Variants in LY96 observed in about 807,000 individuals in gnomAD.
LY96 encodes the protein lymphocyte antigen 96, also known as myeloid differentiation protein-2.
LY96 carries 18 observed loss-of-function variants against 18.9 expected under a neutral mutation model. The ratio of observed to expected loss-of-function variants is 0.95; its 90% CI spans 0.66 to 1.41. LY96 has a LOEUF of 1.41. Ranked by LOEUF, LY96 falls within the 40% of genes most tolerant of loss-of-function variation. The probability of loss-of-function intolerance (pLI) is 0.00; values close to 1 mark genes in which losing one functional copy is unlikely to be tolerated. For missense variants in LY96, 175 were observed against 182.4 expected (o/e 0.96, Z 0.23); for synonymous variants, 66 against 62.6 (o/e 1.06, Z -0.26).
the LY96 span, among the ~76,000 whole-genome samples, chr8:74,068,720 A>C: frequency 6.6e-6 from 1 of 152,294 alleles, no homozygotes; most frequent in Non-Finnish European, 1.5e-5. Context: ...TTGGTCATTC[A>C]TATGCAATAT....
chr8:74,042,007 T>A, the LY96 span, among the ~76,000 whole-genome samples: 10 of 152,220 alleles, frequency 6.6e-5, no homozygotes, highest in Non-Finnish European at 2.9e-5. Flanking sequence ...TCCTGATATG[T>A]GATGTCACCC....
At chr8:74,007,452 G>T (rs1327524675) in intron 2 of LY96, among the ~76,000 whole-genome samples, 2 of 152,240 alleles carry the variant, frequency 1.3e-5, no homozygotes, top group Admixed American at 6.5e-5. Flanking sequence ...TGTTTCCATA[G>T]AATATACTAT....
In LY96 at chr8:73,991,463, T is replaced by C; in HGVS notation, c.21T>C (p.Phe7=). 6.2e-7 allele frequency: 1 copy of C among 1,609,640 alleles called. No individual in the cohort carries two copies. Among genetic ancestry groups the C allele is most frequent in the Non-Finnish European group, 8.5e-7 (1 of 1,175,964 alleles). The change falls in exon 1 of 5, where the codon TTT becomes TTC. Residue 7 remains phenylalanine (F), a synonymous_variant. Coordinates refer to ENST00000284818, the MANE Select transcript of LY96 (RefSeq NM_015364.5). ...GAATCATGTTACCATTTCTGTTTTT[T>C]TCCACCCTGTTTTCTTCCATATTTA... MLPFLF[F]STLFSSIFTE...
At chr8:74,004,741 T>C (rs1327723575) in intron 1 of LY96, 55 bp from the exon 2 acceptor site, 1 of 1,448,984 alleles carries the variant, frequency 6.9e-7, no homozygotes, top group Non-Finnish European at 9.6e-7. Context: ...CAGAATACTA[T>C]ACTTAATGGA....
At chr8:74,019,755 G>T (rs1399889715) in intron 3 of LY96, among the ~76,000 whole-genome samples, 1 of 152,146 alleles carries the variant, frequency 6.6e-6, no homozygotes, top group Non-Finnish European at 1.5e-5. Flanking sequence ...GGGATGCAAG[G>T]CTGGTTCAGC....
At chr8:74,003,489 A>G (rs552022339) in intron 1 of LY96, among the ~76,000 whole-genome samples, 9 of 152,292 alleles carry the variant, frequency 5.9e-5, no homozygotes, top group African/African-American at 1.7e-4. Flanking sequence ...TGCTCAAAAG[A>G]GCCTTGCACT....
chr8:74,051,789 T>A, the LY96 span, among the ~76,000 whole-genome samples: 2 of 152,230 alleles, frequency 1.3e-5, no homozygotes, highest in African/African-American at 4.8e-5. Flanking sequence ...CCGAATTTGC[T>A]GGTGCCTTGA....
the LY96 span, among the ~76,000 whole-genome samples, chr8:74,039,699 C>T: frequency 3.3e-5 from 5 of 152,158 alleles, no homozygotes; most frequent in East Asian, 1.9e-4. Flanking sequence ...CATACGTCAG[C>T]GTTTTCTTCT....
chr8:74,008,241 G>T lies in LY96; in HGVS notation c.203-1760G>T, dbSNP rs570859830. On this transcript the variant is annotated intron_variant, in intron 2 of 4. Transcript: ENST00000284818. The stretch of plus-strand genomic sequence containing the variant: ...TCAAAGCAGGACTTCCTTTCCTGGA[G>T]TTATTGAAGACTGGAATCTTGCTGT... Among the ~76,000 whole-genome samples, 3 of 152,356 alleles carry T rather than the reference G, an allele frequency of 2.0e-5. No homozygotes were observed. The East Asian group carries it at 5.8e-4, about 29-fold the overall frequency.
chr8:74,037,776 A>G, the LY96 span, among the ~76,000 whole-genome samples: 65 of 152,314 alleles, frequency 4.3e-4, 1 homozygote, highest in Non-Finnish European at 3.4e-4. Context: ...TTGGAGTCAG[A>G]ATTTTATTAC....
intron 3 of LY96, among the ~76,000 whole-genome samples, chr8:74,010,787 A>G (rs1816514323): frequency 6.6e-6 from 1 of 152,140 alleles, no homozygotes; most frequent in South Asian, 2.1e-4. Flanking sequence ...GCAGTGGCTT[A>G]GTAATGTGTC....
At chr8:74,090,273 G>A in the LY96 span, among the ~76,000 whole-genome samples, 2 of 152,102 alleles carry the variant, frequency 1.3e-5, no homozygotes, top group Non-Finnish European at 2.9e-5. Flanking sequence ...GTGGTAAGGG[G>A]TCATGTTGGT....
the LY96 span, among the ~76,000 whole-genome samples, chr8:74,037,799 G>C: frequency 1.3e-5 from 2 of 152,108 alleles, no homozygotes; most frequent in Non-Finnish European, 2.9e-5. Flanking sequence ...GCACCTGAGA[G>C]CATTCTAGTT....
At chr8:74,057,178 G>A in the LY96 span, among the ~76,000 whole-genome samples, 1 of 152,140 alleles carries the variant, frequency 6.6e-6, no homozygotes, top group African/African-American at 2.4e-5. Flanking sequence ...GTGATTTCAC[G>A]TAGCGCACCT....
chr8:74,021,997 C>T (rs1326680512), intron 3 of LY96, among the ~76,000 whole-genome samples: 1 of 151,870 alleles, frequency 6.6e-6, no homozygotes, highest in East Asian at 1.9e-4. Flanking sequence ...GTGCAGCAAA[C>T]CAACATGGCA....
At chr8:74,098,287 A>G in the LY96 span, among the ~76,000 whole-genome samples, 2 of 152,154 alleles carry the variant, frequency 1.3e-5, no homozygotes, top group African/African-American at 4.8e-5. Context: ...GGCCTTAGAA[A>G]AATGTTTACA....
the LY96 span, among the ~76,000 whole-genome samples, chr8:74,042,241 C>A: frequency 2.0e-5 from 3 of 152,346 alleles, 1 homozygote; most frequent in African/African-American, 7.2e-5. Context: ...GAGACTGGGG[C>A]TGGGCACAGA....
At chr8:74,088,520 C>G in the LY96 span, among the ~76,000 whole-genome samples, 1 of 152,134 alleles carries the variant, frequency 6.6e-6, no homozygotes, top group Admixed American at 6.6e-5. Flanking sequence ...CTCATCTCTT[C>G]CCTCCCCTCA....
the LY96 span, among the ~76,000 whole-genome samples, chr8:74,072,390 C>T: frequency 6.6e-6 from 1 of 152,094 alleles, no homozygotes; most frequent in Admixed American, 6.6e-5. Flanking sequence ...GAAAGGCTTG[C>T]TCTTTGCAAT....
Sources: allele counts gnomAD v4.1 joint callset (sites outside exome capture counted in the v4.1 genomes callset), GRCh38; gene constraint gnomAD v4.1.1; transcripts MANE v1.5; gene names NCBI Gene and HGNC (gene_info 2026-07-23, HGNC 2026-07-21).